Variants in ITFG1 observed in about 807,000 individuals in gnomAD.
ITFG1 encodes integrin alpha FG-GAP repeat containing 1.
In ITFG1, 34 loss-of-function variants were observed where a neutral mutation model predicts 81.8. The observed-to-expected ratio is 0.42, with a 90% CI of 0.32 to 0.55. ITFG1 has a LOEUF of 0.55. Ranked by LOEUF, ITFG1 falls within the 20% of genes least tolerant of loss-of-function variation. The pLI is 0.17. For synonymous variants in ITFG1, 285 were observed against 270.6 expected, an observed-to-expected ratio of 1.05 and a Z score of -0.52; for missense variants, 672 against 755.4, an observed-to-expected ratio of 0.89 and a Z score of 1.29.
At chr16:47,209,343 A>C (rs1453067356) in intron 14 of ITFG1, among the ~76,000 whole-genome samples, 1 of 152,216 alleles carries the variant, frequency 6.6e-6, no homozygotes, top group Admixed American at 6.5e-5. Flanking sequence ...TAGTATTGAT[A>C]TAATTCCAAT....
chr16:47,290,550 T>A (rs1172633528), intron 10 of ITFG1, among the ~76,000 whole-genome samples: 1 of 152,186 alleles, frequency 6.6e-6, no homozygotes, highest in Non-Finnish European at 1.5e-5. Context: ...AGTTCCTCAA[T>A]CATTATATAA....
At chr16:47,300,907 T>C (rs377512905) in intron 10 of ITFG1, among the ~76,000 whole-genome samples, 80 of 152,336 alleles carry the variant, frequency 5.3e-4, no homozygotes, top group African/African-American at 1.8e-3. Context: ...CTACTTCTAA[T>C]TGAGTGATCC....
At chr16:47,265,831 G>A (rs1238527840) in intron 10 of ITFG1, among the ~76,000 whole-genome samples, 1 of 152,114 alleles carries the variant, frequency 6.6e-6, no homozygotes, top group Non-Finnish European at 1.5e-5. Flanking sequence ...ATTAAAAAAT[G>A]AAGACTCAAC....
chr16:47,212,052 T>G (rs888744377), intron 14 of ITFG1, among the ~76,000 whole-genome samples: 2 of 149,666 alleles, frequency 1.3e-5, no homozygotes, highest in Non-Finnish European at 3.0e-5. Context: ...TGGGCTACCA[T>G]GTTTGTCCCA....
At chr16:47,223,917 GAC>G (rs1270564552) in intron 13 of ITFG1, among the ~76,000 whole-genome samples, 10 of 152,044 alleles carry the variant, frequency 6.6e-5, no homozygotes, top group African/African-American at 2.4e-4. Context: ...CCTTTGTAGG[GAC>G]ATGGATGAAA....
chr16:47,253,788 G>A (rs1223071386), intron 12 of ITFG1, among the ~76,000 whole-genome samples: 1 of 152,166 alleles, frequency 6.6e-6, no homozygotes, highest in Admixed American at 6.5e-5. Context: ...GTGATGGGGT[G>A]TGGCTATAAA....
chr16:47,360,688 T>C (rs191392163), intron 8 of ITFG1, among the ~76,000 whole-genome samples: 2 of 152,156 alleles, frequency 1.3e-5, no homozygotes, highest in Non-Finnish European at 2.9e-5. Context: ...AAATATAAAA[T>C]TTACATTTCC....
chr16:47,202,610 A>G (rs1965440451), intron 14 of ITFG1, among the ~76,000 whole-genome samples: 1 of 152,058 alleles, frequency 6.6e-6, no homozygotes, highest in Non-Finnish European at 1.5e-5. Context: ...AAACATAATG[A>G]GAAAACACTT....
chr16:47,421,235 T>C (rs1026343452), intron 6 of ITFG1, among the ~76,000 whole-genome samples: 2 of 151,502 alleles, frequency 1.3e-5, no homozygotes, highest in African/African-American at 4.9e-5. Context: ...TGTGTGTATA[T>C]ATATGTATAT....
intron 16 of ITFG1, among the ~76,000 whole-genome samples, chr16:47,159,809 G>A (rs1964772057): frequency 6.6e-6 from 1 of 151,986 alleles, no homozygotes; most frequent in African/African-American, 2.4e-5. Flanking sequence ...CTGGTAAATA[G>A]CAAGTAGCTA....
intron 8 of ITFG1, among the ~76,000 whole-genome samples, chr16:47,330,156 T>A (rs1967617405): frequency 6.6e-6 from 1 of 151,930 alleles, no homozygotes; most frequent in African/African-American, 2.4e-5. Flanking sequence ...CATAAAAAAA[T>A]GATCTTTGAC....
At chr16:47,349,388 A>G (rs948448666) in intron 8 of ITFG1, among the ~76,000 whole-genome samples, 2 of 152,152 alleles carry the variant, frequency 1.3e-5, no homozygotes, top group African/African-American at 2.4e-5. Flanking sequence ...ATGGAAAACA[A>G]AAAAAGGCAG....
intron 6 of ITFG1, among the ~76,000 whole-genome samples, chr16:47,424,904 T>C (rs1372406835): frequency 2.0e-5 from 3 of 152,142 alleles, no homozygotes; most frequent in African/African-American, 4.8e-5. Flanking sequence ...GGGACCCACT[T>C]GAGGAGGCAG....
At chr16:47,175,050 C>A (rs1429901709) in intron 14 of ITFG1, among the ~76,000 whole-genome samples, 1 of 152,158 alleles carries the variant, frequency 6.6e-6, no homozygotes, top group Non-Finnish European at 1.5e-5. Flanking sequence ...GTCATCTTAT[C>A]TGATAATCAT....
chr16:47,361,568 G>C (rs1968109696), intron 8 of ITFG1, among the ~76,000 whole-genome samples: 1 of 152,104 alleles, frequency 6.6e-6, no homozygotes, highest in African/African-American at 2.4e-5. Flanking sequence ...CACCTTCCTT[G>C]ATTATTTCTT....
intron 6 of ITFG1, among the ~76,000 whole-genome samples, chr16:47,384,338 C>T (rs1016579360): frequency 1.3e-5 from 2 of 152,326 alleles, no homozygotes; most frequent in South Asian, 4.1e-4. Flanking sequence ...AAGATTTAAA[C>T]TCATTGTAAC....
intron 6 of ITFG1, among the ~76,000 whole-genome samples, chr16:47,427,250 T>C (rs1209473375): frequency 6.6e-6 from 1 of 152,186 alleles, no homozygotes; most frequent in Non-Finnish European, 1.5e-5. Context: ...TACTGATCAA[T>C]TTTAATATCA....
intron 5 of ITFG1, among the ~76,000 whole-genome samples, chr16:47,439,709 C>A (rs937566354): frequency 6.6e-6 from 1 of 152,092 alleles, no homozygotes; most frequent in Non-Finnish European, 1.5e-5. Flanking sequence ...AAGGAACAAC[C>A]GGTATCAGCC....
Position 47,426,477 on chromosome 16 carries a change from C to T in ITFG1, c.655+2327G>A, listed in dbSNP as rs1969022475. 3.3e-5 allele frequency: 5 copies of T among 149,462 alleles called. No homozygotes were observed. The South Asian group carries it at 8.6e-4, about 26-fold the overall frequency. The allele number at this position is 149,462 out of a possible 1,614,324, so 9.3% of individuals were successfully genotyped here. On this transcript the variant is annotated intron_variant, in intron 6 of 17. Coordinates refer to ENST00000320640, the MANE Select transcript of ITFG1 (RefSeq NM_030790.5). ...CAAGTTTCTAAGACAACTTCCATTG[C>T]AATGTAGTCAACACCTTATTATTGA...
Sources: gnomAD v4.1 joint callset for allele counts (sites outside exome capture counted in the v4.1 genomes callset) on GRCh38, gnomAD v4.1.1 for gene constraint, MANE v1.5 for transcripts, NCBI Gene and HGNC (gene_info 2026-07-23, HGNC 2026-07-21) for gene names.